Variants in TP63 observed in about 807,000 individuals in gnomAD.
The protein encoded by TP63 is tumor protein 63.
In TP63, 17 loss-of-function variants were observed where a neutral mutation model predicts 82.8. The observed-to-expected ratio is 0.21, with a 90% CI of 0.14 to 0.31. The LOEUF (loss-of-function observed/expected upper bound fraction) is 0.31. Ranked by LOEUF, TP63 falls within the 10% of genes least tolerant of loss-of-function variation. The pLI is 1.00. For missense variants in TP63, 648 were observed against 895.3 expected (o/e 0.72, Z 3.52); for synonymous variants, 330 against 321.7 (o/e 1.03, Z -0.28).
intron 1 of TP63, among the ~76,000 whole-genome samples, chr3:189,704,263 G>A (rs1316718717): frequency 6.6e-6 from 1 of 152,208 alleles, no homozygotes; most frequent in Non-Finnish European, 1.5e-5. Context: ...ATGTTGGTTT[G>A]TGCTATTTTT....
intron 10 of TP63, chr3:189,873,279 G>A (rs1718659493): frequency 2.1e-6 from 1 of 478,494 alleles, no homozygotes. Context: ...TATATGCCTG[G>A]TCCATACACA....
At chr3:189,650,265 A>G (rs1457987231) in intron 1 of TP63, among the ~76,000 whole-genome samples, 3 of 147,302 alleles carry the variant, frequency 2.0e-5, no homozygotes, top group African/African-American at 7.6e-5. Context: ...TTCTTGTTTA[A>G]CAAAACACTC....
chr3:189,634,407 A>G (rs1444093954), intron 1 of TP63, among the ~76,000 whole-genome samples: 2 of 152,098 alleles, frequency 1.3e-5, no homozygotes, highest in African/African-American at 2.4e-5. Flanking sequence ...ATTCCAAAAA[A>G]GTGTTTAAAT....
At chr3:189,865,773 A>G (rs1182304727) in intron 5 of TP63, among the ~76,000 whole-genome samples, 1 of 152,226 alleles carries the variant, frequency 6.6e-6, no homozygotes, top group Non-Finnish European at 1.5e-5. Flanking sequence ...TCACTTAACA[A>G]TCTGCCATAA....
the TP63 span, among the ~76,000 whole-genome samples, chr3:189,610,264 T>C: frequency 3.3e-5 from 5 of 152,200 alleles, no homozygotes; most frequent in South Asian, 1.0e-3. Context: ...TTCTTATAGA[T>C]GTTGGATATT....
chr3:189,676,548 GTGTGTGCA>G (rs1288570874), intron 1 of TP63, among the ~76,000 whole-genome samples: 1 of 151,972 alleles, frequency 6.6e-6, no homozygotes, highest in Admixed American at 6.6e-5. Context: ...TATATCGTGT[GTGTGTGCA>G]TGTGTGTATG....
At chr3:189,765,689 TC>T (rs1176125112) in intron 3 of TP63, among the ~76,000 whole-genome samples, 26 of 151,790 alleles carry the variant, frequency 1.7e-4, no homozygotes, top group Non-Finnish European at 2.8e-4. Context: ...CACCTCGGCC[TC>T]CCAAAGTGCT....
intron 1 of TP63, among the ~76,000 whole-genome samples, chr3:189,688,962 G>T (rs1716670975): frequency 6.6e-6 from 1 of 152,090 alleles, no homozygotes; most frequent in Non-Finnish European, 1.5e-5. Context: ...AAGTCCCAGA[G>T]AGGGGAAGTA....
At chr3:189,811,019 G>A (rs771013548) in intron 4 of TP63, among the ~76,000 whole-genome samples, 17 of 152,084 alleles carry the variant, frequency 1.1e-4, no homozygotes, top group Non-Finnish European at 2.4e-4. Flanking sequence ...TGGTACACTG[G>A]TAAAATTTCC....
chr3:189,697,827 A>G (rs1309540140), intron 1 of TP63, among the ~76,000 whole-genome samples: 1 of 150,052 alleles, frequency 6.7e-6, no homozygotes, highest in Non-Finnish European at 1.5e-5. Flanking sequence ...ATTTCTATAA[A>G]TTTTCATTTT....
rs547481112 is a variant in TP63 at position 189,775,703 on chromosome 3, A to G, written c.325-32569A>G. ...TAAGTATCTTTTTTAAGGCCCAAACATAGAAGTGAAAACTTTTCACAGAGA... is the reference window on the plus strand; with the variant it reads ...TAAGTATCTTTTTTAAGGCCCAAACGTAGAAGTGAAAACTTTTCACAGAGA... On this transcript the variant is annotated intron_variant, in intron 3 of 13. Coordinates refer to ENST00000264731, the MANE Select transcript of TP63 (RefSeq NM_003722.5). 5.9e-5 allele frequency among the ~76,000 whole-genome samples: 9 copies of G among 152,304 alleles called. No individual in the cohort carries two copies. In the South Asian group the frequency reaches 1.4e-3, roughly 25 times the overall value.
chr3:189,731,972 T>A (rs558682484), intron 1 of TP63, among the ~76,000 whole-genome samples: 2 of 152,216 alleles, frequency 1.3e-5, no homozygotes, highest in African/African-American at 4.8e-5. Flanking sequence ...AAAATGGAAA[T>A]TAATACTGAG....
intron 1 of TP63, among the ~76,000 whole-genome samples, chr3:189,643,052 A>G (rs1712056775): frequency 6.7e-6 from 1 of 149,792 alleles, no homozygotes; most frequent in African/African-American, 2.4e-5. Context: ...CCCAGGGTGG[A>G]GTACAATGGC....
chr3:189,729,129 G>A (rs74918774), intron 1 of TP63, among the ~76,000 whole-genome samples: 1 of 152,150 alleles, frequency 6.6e-6, no homozygotes, highest in Non-Finnish European at 1.5e-5. Context: ...TAATGAAAAA[G>A]GCAAGAGGTT....
At chr3:189,810,453 T>A (rs976881270) in intron 4 of TP63, among the ~76,000 whole-genome samples, 8 of 152,186 alleles carry the variant, frequency 5.3e-5, no homozygotes, top group Non-Finnish European at 8.8e-5. Flanking sequence ...AAATGAATAA[T>A]CGCTTTTTTT....
At chr3:189,657,210 A>G (rs894285364) in intron 1 of TP63, among the ~76,000 whole-genome samples, 1 of 152,080 alleles carries the variant, frequency 6.6e-6, no homozygotes, top group Non-Finnish European at 1.5e-5. Flanking sequence ...TAGAAGGTAC[A>G]TAGGAGATTT....
At chr3:189,818,764 G>A (rs1728469968) in intron 4 of TP63, among the ~76,000 whole-genome samples, 1 of 152,130 alleles carries the variant, frequency 6.6e-6, no homozygotes. Flanking sequence ...TAGTTTTGGA[G>A]TGTATTTACT....
chr3:189,868,389 T>C (rs1439176021), intron 7 of TP63, among the ~76,000 whole-genome samples, 191 bp from the exon 8 acceptor site: 1 of 152,230 alleles, frequency 6.6e-6, no homozygotes, highest in Non-Finnish European at 1.5e-5. Context: ...TGTTATTTAC[T>C]AATATTACTT....
intron 4 of TP63, among the ~76,000 whole-genome samples, chr3:189,840,179 T>A (rs1358821804): frequency 6.6e-6 from 1 of 152,108 alleles, no homozygotes; most frequent in Non-Finnish European, 1.5e-5. Flanking sequence ...AGTATTTGAG[T>A]GTATACGTAC....
Sources: gnomAD v4.1 joint callset for allele counts (sites outside exome capture counted in the v4.1 genomes callset) on GRCh38, gnomAD v4.1.1 for gene constraint, MANE v1.5 for transcripts, NCBI Gene and HGNC (gene_info 2026-07-23, HGNC 2026-07-21) for gene names.